The following NARS2 variants were observed in gnomAD, a reference collection of about 807,000 sequenced individuals.
NARS2 encodes the protein asparaginyl-tRNA synthetase 2, mitochondrial.
In NARS2, 60 loss-of-function variants were observed where a neutral mutation model predicts 62.9. The observed-to-expected ratio is 0.95, with a 90% CI of 0.77 to 1.18. The LOEUF is 1.18. NARS2 is among the 50% of genes most tolerant of loss of function. The probability of loss-of-function intolerance (pLI) is 0.00; values close to 1 mark genes in which losing one functional copy is unlikely to be tolerated. For synonymous variants in NARS2, 196 were observed against 200.0 expected (o/e 0.98, Z 0.17); for missense variants, 619 against 576.4 (o/e 1.07, Z -0.76).
chr11:78,509,826 C>CAAAAAA (rs71046976), intron 6 of NARS2, among the ~76,000 whole-genome samples: 22 of 116,224 alleles, frequency 1.9e-4, no homozygotes, highest in Middle Eastern at 4.3e-3. Context: ...GACTCTGTCT[C>CAAAAAA]AAAAAAAAAA....
At chr11:78,541,969 T>G (rs569181287) in intron 5 of NARS2, among the ~76,000 whole-genome samples, 1 of 152,346 alleles carries the variant, frequency 6.6e-6, no homozygotes, top group Admixed American at 6.5e-5. Context: ...TAACAAGCCA[T>G]ATATGTAGGT....
rs927047160 is a variant in NARS2, at chr11:78,517,502, TC to T, written c.689+11339del. Among the ~76,000 whole-genome samples, 5 of 152,290 alleles carry T rather than the reference TC, an allele frequency of 3.3e-5. No individual in the cohort carries two copies. The East Asian group carries it at 5.8e-4, about 18-fold the overall frequency. ...CAGGTTTTTACTTTAGTATTTCCAC[TC>T]CAACAATTTTTCATTAAGACCTCCA... is the stretch of plus-strand genomic sequence containing the variant. On this transcript the variant is annotated intron_variant, in intron 6 of 13. Transcript: ENST00000281038.
intron 7 of NARS2, among the ~76,000 whole-genome samples, chr11:78,487,330 T>C (rs1447761742): frequency 1.4e-5 from 2 of 139,968 alleles, no homozygotes; most frequent in African/African-American, 5.4e-5. Context: ...CACTCCAGCC[T>C]GGGCAACAGA....
chr11:78,436,863 GATGTT>G (rs1367075698), intron 13 of NARS2, 49 bp from the exon 14 acceptor site: 1 of 1,536,416 alleles, frequency 6.5e-7, no homozygotes, highest in Non-Finnish European at 8.9e-7. Flanking sequence ...TATAAGACCA[GATGTT>G]ATGATTAGAA....
chr11:78,574,458 C>T lies in NARS2; in HGVS notation c.31G>A (p.Val11Met). 2 of 1,613,658 alleles carry T rather than the reference C, an allele frequency of 1.2e-6. No individual in the cohort carries two copies. Among genetic ancestry groups the T allele is most frequent in the Non-Finnish European group, 1.7e-6 (2 of 1,179,856 alleles). Residue 11 changes from valine (V) to methionine (M), a missense_variant, in exon 1 of 14, where the codon GTG (valine) becomes ATG (methionine). Val to Met is a conservative substitution (Grantham distance 21). Coordinates refer to ENST00000281038, the MANE Select transcript of NARS2 (RefSeq NM_024678.6). MLGVRCLLRS[V>M]RFCSSAPFPK... The stretch of plus-strand genomic sequence containing the variant: ...AAGGGGGCGGAGGAACAGAAGCGCA[C>T]GGACCGCAGCAGGCAGCGGACCCCC...
At chr11:78,568,029 G>A (rs1421074644) in intron 3 of NARS2, among the ~76,000 whole-genome samples, 1 of 152,238 alleles carries the variant, frequency 6.6e-6, no homozygotes, top group Admixed American at 6.5e-5. Context: ...GAAGAGTCTT[G>A]CAAAAACAGG....
chr11:78,554,508 CGTGT>C (rs71046981), intron 5 of NARS2, among the ~76,000 whole-genome samples: 26 of 146,914 alleles, frequency 1.8e-4, no homozygotes, highest in Non-Finnish European at 3.1e-4. Flanking sequence ...GGCGTGTGTG[CGTGT>C]GTGTGTGTGT....
chr11:78,492,563 G>A (rs1009719780), intron 7 of NARS2, among the ~76,000 whole-genome samples: 1 of 152,054 alleles, frequency 6.6e-6, no homozygotes, highest in African/African-American at 2.4e-5. Context: ...CTTGTCCCCT[G>A]CTCAACTGAG....
At chr11:78,460,488 T>C (rs1289458522) in intron 11 of NARS2, among the ~76,000 whole-genome samples, 1 of 152,054 alleles carries the variant, frequency 6.6e-6, no homozygotes, top group African/African-American at 2.4e-5. Flanking sequence ...GAAGATCAGT[T>C]AGGAGGCTAT....
chr11:78,487,164 C>T (rs113747921), intron 7 of NARS2, among the ~76,000 whole-genome samples: 7 of 151,576 alleles, frequency 4.6e-5, no homozygotes, highest in Admixed American at 1.3e-4. Flanking sequence ...GAGACCAGCC[C>T]GGCCAACATG....
At chr11:78,477,162 C>G (rs1488112237) in intron 9 of NARS2, among the ~76,000 whole-genome samples, 1 of 152,168 alleles carries the variant, frequency 6.6e-6, no homozygotes, top group South Asian at 2.1e-4. Flanking sequence ...TTGTCACCAG[C>G]AGAGATTCCT....
intron 7 of NARS2, 150 bp downstream of exon 7, chr11:78,492,913 C>T: frequency 1.6e-6 from 1 of 615,874 alleles, no homozygotes; most frequent in South Asian, 2.2e-5. Flanking sequence ...TAAACTATTA[C>T]AGTAAAGGCA....
intron 5 of NARS2, among the ~76,000 whole-genome samples, chr11:78,544,044 T>TAAAA: frequency 1.3e-5 from 1 of 76,206 alleles, no homozygotes; most frequent in Non-Finnish European, 3.2e-5. Context: ...AAAAAAACTC[T>TAAAA]CTCTCACTCT....
chr11:78,438,627 T>C (rs1857483532), intron 13 of NARS2, among the ~76,000 whole-genome samples: 1 of 152,202 alleles, frequency 6.6e-6, no homozygotes, highest in African/African-American at 2.4e-5. Context: ...AATCCATTTC[T>C]AAGAAAAAAA....
At position 78,565,919 on chromosome 11, in the gene NARS2, A is replaced by C. The variant is rs547082349; in HGVS notation, c.513+213T>G. Among the ~76,000 whole-genome samples the C allele has an allele frequency of 2.6e-5, 4 of 152,342 alleles. No individual in the cohort carries two copies. In the South Asian group the frequency reaches 6.2e-4, roughly 24 times the overall value. Reference sequence around the variant, plus strand: ...CAAAGCGATATCAATAGCTGTGTGCAAACCCACAACACCCAACAAGGTAAA... The same window carrying C: ...CAAAGCGATATCAATAGCTGTGTGCCAACCCACAACACCCAACAAGGTAAA... On this transcript the variant is annotated intron_variant, in intron 4 of 13. Transcript: ENST00000281038.
intron 7 of NARS2, among the ~76,000 whole-genome samples, chr11:78,482,563 A>C (rs1407974153): frequency 1.3e-5 from 2 of 152,220 alleles, no homozygotes; most frequent in Non-Finnish European, 2.9e-5. Context: ...AAGGGATATC[A>C]CCACAGATCC....
intron 2 of NARS2, among the ~76,000 whole-genome samples, chr11:78,570,856 T>C (rs1181320762): frequency 1.3e-4 from 20 of 152,222 alleles, no homozygotes; most frequent in Admixed American, 1.2e-3. Flanking sequence ...CAAATAGGAA[T>C]ACAGTTGATT....
At chr11:78,488,234 TAAA>T (rs34959536) in intron 7 of NARS2, among the ~76,000 whole-genome samples, 8,271 of 128,828 alleles carry the variant, frequency 0.064, 760 homozygotes, top group African/African-American at 0.2. Flanking sequence ...GCCTACCTGG[TAAA>T]AAAAAAAAAA....
chr11:78,551,577 G>A (rs1317274084), intron 5 of NARS2, among the ~76,000 whole-genome samples: 5 of 151,876 alleles, frequency 3.3e-5, no homozygotes, highest in South Asian at 2.1e-4. Context: ...CAGGCTGGGC[G>A]CGGTGGCTCA....
Sources: allele counts gnomAD v4.1 joint callset (sites outside exome capture counted in the v4.1 genomes callset), GRCh38; gene constraint gnomAD v4.1.1; transcripts MANE v1.5; gene names NCBI Gene and HGNC (gene_info 2026-07-23, HGNC 2026-07-21).